Variants in TSNARE1 observed in about 807,000 individuals in gnomAD.
TSNARE1 encodes the protein t-SNARE domain-containing protein 1.
Under a neutral mutation model 62.0 loss-of-function variants are expected in TSNARE1, and 49 were observed. The observed-to-expected ratio is 0.79, with a 90% CI of 0.63 to 1.00. The LOEUF (loss-of-function observed/expected upper bound fraction) is 1.00. TSNARE1 is among the 50% of genes least tolerant of loss of function. TSNARE1 has a pLI of 0.00. For missense variants in TSNARE1, 755 were observed against 700.1 expected (o/e 1.08, Z -0.88); for synonymous variants, 328 against 294.4 (o/e 1.11, Z -1.17).
intron 12 of TSNARE1, chr8:142,274,096 A>G (rs1378048874): frequency 2.4e-5 from 24 of 985,082 alleles, no homozygotes; most frequent in Non-Finnish European, 2.9e-5. Flanking sequence ...CTTAATGTCC[A>G]GCCTGCCTGG....
At chr8:142,385,788 G>A (rs1316928560) in intron 1 of TSNARE1, among the ~76,000 whole-genome samples, 1 of 152,186 alleles carries the variant, frequency 6.6e-6, no homozygotes. Flanking sequence ...AGTTTCCAAT[G>A]ACTGCCATAT....
At chr8:142,314,285 T>C in intron 9 of TSNARE1, 99 bp downstream of exon 9, 1 of 1,165,396 alleles carries the variant, frequency 8.6e-7, no homozygotes, top group South Asian at 1.4e-5. Context: ...ATGACACCCC[T>C]GCCCTTGGCC....
At chr8:142,299,596 C>T (rs767309298) in intron 10 of TSNARE1, among the ~76,000 whole-genome samples, 8 of 152,222 alleles carry the variant, frequency 5.3e-5, no homozygotes, top group African/African-American at 1.9e-4. Flanking sequence ...AAGAGGCTCA[C>T]TCACATATGC....
At chr8:142,307,566 T>C (rs1204449356) in intron 9 of TSNARE1, among the ~76,000 whole-genome samples, 5 of 152,226 alleles carry the variant, frequency 3.3e-5, no homozygotes, top group Non-Finnish European at 7.3e-5. Context: ...ATGTAAATGC[T>C]ATGTAGTAAA....
rs76017176 is a variant in TSNARE1 at position 142,383,801 on chromosome 8, A to C, written c.-40+19303T>G. 6.9e-3 allele frequency among the ~76,000 whole-genome samples: 1,045 copies of C among 152,262 alleles called. 11 individuals carry two copies. The highest frequency in any genetic ancestry group is 0.024 in the African/African-American group (983 of 41,544). ...ACATATTTTTCCTATTTCCTTCTAG[A>C]ACTCACCTTAAAACAACAAGGAGAA... On this transcript the variant is annotated intron_variant, in intron 1 of 13. Coordinates refer to ENST00000524325, the MANE Select transcript of TSNARE1 (RefSeq NM_145003.5).
intron 2 of TSNARE1, among the ~76,000 whole-genome samples, chr8:142,347,751 G>A (rs1586946898): frequency 4.7e-5 from 2 of 42,622 alleles, no homozygotes; most frequent in Admixed American, 2.1e-4. Context: ...CCATCACCTC[G>A]CCACACTGCA....
At chr8:142,274,115 A>T (rs1820029406) in intron 12 of TSNARE1, 3 of 984,596 alleles carry the variant, frequency 3.0e-6, no homozygotes, top group East Asian at 2.3e-4. Flanking sequence ...GGCCCCTGGG[A>T]CTCCTTGAGG....
chr8:142,274,680 C>G (rs953810406), intron 12 of TSNARE1, 101 bp downstream of exon 12: 3 of 1,373,554 alleles, frequency 2.2e-6, no homozygotes, highest in Admixed American at 3.8e-5. Context: ...CTCCCAGGCA[C>G]AGGGCAGGGC....
intron 1 of TSNARE1, among the ~76,000 whole-genome samples, chr8:142,393,301 A>G (rs1837676289): frequency 6.6e-6 from 1 of 152,128 alleles, no homozygotes; most frequent in East Asian, 1.9e-4. Context: ...GGAGATGGAG[A>G]GCAGACTGGT....
chr8:142,344,808 G>A lies in TSNARE1; in HGVS notation c.239-336C>T, dbSNP rs541300364. ...AGGTTGCGGCCCTGGACCCTCTCCA[G>A]GGTTTCCTGCCCTCAGGCCAGGGCT... is the stretch of plus-strand genomic sequence containing the variant. On this transcript the variant is annotated intron_variant, in intron 3 of 13. Coordinates refer to ENST00000524325, the MANE Select transcript of TSNARE1 (RefSeq NM_145003.5). 9.8e-5 allele frequency among the ~76,000 whole-genome samples: 15 copies of A among 152,334 alleles called. No homozygotes were observed. The South Asian group carries it at 3.1e-3, about 32-fold the overall frequency.
chr8:142,317,266 G>A (rs981507372), intron 7 of TSNARE1, among the ~76,000 whole-genome samples: 5 of 148,128 alleles, frequency 3.4e-5, no homozygotes, highest in Non-Finnish European at 6.0e-5. Context: ...AGCGGGTATG[G>A]CCAGCGGCTC....
chr8:142,315,658 C>G (rs1479724204), intron 7 of TSNARE1, among the ~76,000 whole-genome samples: 1 of 152,210 alleles, frequency 6.6e-6, no homozygotes, highest in African/African-American at 2.4e-5. Context: ...CGGGGTGGGG[C>G]TGGACACGCA....
At chr8:142,370,305 A>T (rs1835832071) in intron 1 of TSNARE1, among the ~76,000 whole-genome samples, 1 of 152,238 alleles carries the variant, frequency 6.6e-6, no homozygotes. Flanking sequence ...ATGGTGGCTC[A>T]TGCCTGTAAT....
intron 13 of TSNARE1, among the ~76,000 whole-genome samples, chr8:142,222,756 T>TCACTCACTCATC (rs1816441111): frequency 1.0e-5 from 1 of 96,320 alleles, no homozygotes; most frequent in Non-Finnish European, 2.1e-5. Context: ...ACTCATCCAC[T>TCACTCACTCATC]CACTCACTCA....
intron 1 of TSNARE1, among the ~76,000 whole-genome samples, chr8:142,367,720 T>C (rs1835658090): frequency 6.6e-6 from 1 of 152,176 alleles, no homozygotes; most frequent in African/African-American, 2.4e-5. Flanking sequence ...CTAGAAAGCC[T>C]CTATAACTAC....
At chr8:142,394,773 G>A (rs980882662) in intron 1 of TSNARE1, among the ~76,000 whole-genome samples, 4 of 152,166 alleles carry the variant, frequency 2.6e-5, no homozygotes, top group African/African-American at 9.7e-5. Flanking sequence ...ATGGTCCGCA[G>A]GGTCACCGCA....
chr8:142,276,940 C>A (rs113747764), intron 11 of TSNARE1: 1 of 985,458 alleles, frequency 1.0e-6, no homozygotes, highest in East Asian at 1.1e-4. Flanking sequence ...GTGGGCACGC[C>A]ATGTCCTGCC....
chr8:142,345,673 C>A (rs112610416), intron 3 of TSNARE1, 70 bp downstream of exon 3: 19 of 1,455,494 alleles, frequency 1.3e-5, no homozygotes, highest in Non-Finnish European at 3.6e-6. Context: ...GCTGACCCTG[C>A]CCTCCTCAGC....
chr8:142,395,518 C>T (rs1333391999), intron 1 of TSNARE1, among the ~76,000 whole-genome samples: 1 of 152,210 alleles, frequency 6.6e-6, no homozygotes, highest in African/African-American at 2.4e-5. Context: ...GCCCATGGAG[C>T]ACCGCAGATG....
Sources: gnomAD v4.1 joint callset for allele counts (sites outside exome capture counted in the v4.1 genomes callset) on GRCh38, gnomAD v4.1.1 for gene constraint, MANE v1.5 for transcripts, NCBI Gene and HGNC (gene_info 2026-07-23, HGNC 2026-07-21) for gene names.